The following C10orf90 variants were observed in gnomAD, a reference collection of about 807,000 sequenced individuals.
C10orf90 encodes the protein chromosome 10 open reading frame 90, also known as (E2-independent) E3 ubiquitin-conjugating enzyme FATS.
A neutral mutation model predicts 62.5 loss-of-function variants in C10orf90; 56 were observed. The ratio of observed to expected loss-of-function variants is 0.90; its 90% CI spans 0.72 to 1.12. C10orf90 has a LOEUF of 1.12. Ranked by LOEUF, C10orf90 falls within the 50% of genes most tolerant of loss-of-function variation. The pLI, the probability that C10orf90 is intolerant of heterozygous loss-of-function variation, is 0.00. For missense variants in C10orf90, 970 were observed against 880.4 expected, an observed-to-expected ratio of 1.10 and a Z score of -1.29; for synonymous variants, 386 against 340.4, an observed-to-expected ratio of 1.13 and a Z score of -1.47.
At chr10:126,563,126 G>A (rs532287183) in intron 2 of C10orf90, among the ~76,000 whole-genome samples, 4 of 152,286 alleles carry the variant, frequency 2.6e-5, no homozygotes, top group Admixed American at 6.5e-5. Context: ...TTCCCCACCC[G>A]CACTCCAGCT....
At chr10:126,569,515 C>T (rs1469041454) in intron 2 of C10orf90, among the ~76,000 whole-genome samples, 3 of 152,164 alleles carry the variant, frequency 2.0e-5, no homozygotes, top group Non-Finnish European at 4.4e-5. Context: ...ATAATCATCA[C>T]ATACATCAAA....
At chr10:126,491,627 C>T (rs947134375) in intron 4 of C10orf90, among the ~76,000 whole-genome samples, 5 of 152,226 alleles carry the variant, frequency 3.3e-5, no homozygotes, top group Admixed American at 3.3e-4. Context: ...AAAGATTCCT[C>T]ATCCTTCAAA....
chr10:126,479,210 C>T (rs755481988), intron 4 of C10orf90, among the ~76,000 whole-genome samples: 7 of 152,182 alleles, frequency 4.6e-5, no homozygotes, highest in Admixed American at 1.3e-4. Flanking sequence ...AGGGGCTGTG[C>T]GTTATTCCAA....
chr10:126,622,375 T>C (rs1845662713), intron 2 of C10orf90, among the ~76,000 whole-genome samples: 2 of 152,204 alleles, frequency 1.3e-5, no homozygotes, highest in African/African-American at 4.8e-5. Context: ...CTCTCCCCTG[T>C]GACCCAGAAA....
intron 2 of C10orf90, among the ~76,000 whole-genome samples, chr10:126,541,387 G>A (rs535967400): frequency 4.8e-4 from 73 of 152,000 alleles, no homozygotes; most frequent in African/African-American, 1.7e-3. Flanking sequence ...ACATCAAAGG[G>A]CATCATCAAG....
chr10:126,512,155 C>G (rs1863145168), intron 3 of C10orf90: 1 of 151,870 alleles, frequency 6.6e-6, no homozygotes, highest in South Asian at 2.1e-4. Flanking sequence ...ACCTACTGAC[C>G]AAATTGGATA....
chr10:126,509,061 G>A (rs796928649), intron 3 of C10orf90, among the ~76,000 whole-genome samples: 25 of 152,308 alleles, frequency 1.6e-4, no homozygotes, highest in African/African-American at 6.0e-4. Flanking sequence ...CCCTCCAGAA[G>A]GACCTAGAGG....
chr10:126,537,500 G>A (rs1864268269), intron 2 of C10orf90, among the ~76,000 whole-genome samples: 1 of 152,158 alleles, frequency 6.6e-6, no homozygotes, highest in Non-Finnish European at 1.5e-5. Flanking sequence ...AGAGCTGCCC[G>A]GGGAGTCCTC....
rs1018201144 is a variant in C10orf90, at chr10:126,478,461, G to A, written c.1535-13475C>T. 3.9e-5 allele frequency among the ~76,000 whole-genome samples: 6 copies of A among 152,204 alleles called. No homozygotes were observed. The East Asian group carries it at 7.7e-4, about 20-fold the overall frequency. On this transcript the variant is annotated intron_variant, in intron 4 of 9. Coordinates refer to ENST00000488181, the MANE Select transcript of C10orf90 (RefSeq NM_001350921.2). ...CTAGGATGGCCCATAGCTAAGGCAC[G>A]ACTTTAAACAGGGGATCTGTAAGTG...
intron 7 of C10orf90, among the ~76,000 whole-genome samples, chr10:126,440,924 G>A (rs1858275848): frequency 1.3e-5 from 2 of 152,270 alleles, no homozygotes; most frequent in East Asian, 1.9e-4. Flanking sequence ...CTCTGACAGA[G>A]CCTACCCACA....
At chr10:126,640,111 GC>G (rs1248353809) in intron 2 of C10orf90, among the ~76,000 whole-genome samples, 1 of 152,210 alleles carries the variant, frequency 6.6e-6, no homozygotes, top group African/African-American at 2.4e-5. Flanking sequence ...AGGAGTAAAT[GC>G]GTTTTATTCT....
At chr10:126,623,193 T>C (rs938237034) in intron 2 of C10orf90, among the ~76,000 whole-genome samples, 4 of 152,160 alleles carry the variant, frequency 2.6e-5, no homozygotes, top group Admixed American at 2.6e-4. Context: ...AAATCTTTCT[T>C]GGGCTTTGGA....
intron 3 of C10orf90, among the ~76,000 whole-genome samples, chr10:126,509,489 T>G (rs1424981279): frequency 6.6e-6 from 1 of 152,178 alleles, no homozygotes; most frequent in African/African-American, 2.4e-5. Context: ...TAAATAGAAA[T>G]GACTCATTGT....
At position 126,649,059 on chromosome 10, in the gene C10orf90, T is replaced by C. The variant is rs1258519493; in HGVS notation, c.241-2422A>G. Among the ~76,000 whole-genome samples, 58 of 48,808 alleles carry C rather than the reference T, an allele frequency of 1.2e-3. 1 individual carries two copies. Among genetic ancestry groups the C allele is most frequent in the South Asian group, 3.3e-3 (4 of 1,214 alleles). 32.0% of individuals were successfully genotyped at this position (48,808 alleles called of 152,430 possible). On this transcript the variant is annotated intron_variant, in intron 1 of 9. Transcript: ENST00000488181. ...GTCTCTCTCTCTCTCTCTCTCTCTC[T>C]CTCTCTCTCTCTCCCCCCCCCCCAG...
intron 7 of C10orf90, among the ~76,000 whole-genome samples, chr10:126,437,579 A>T (rs1434240485): frequency 6.6e-6 from 1 of 152,212 alleles, no homozygotes; most frequent in Non-Finnish European, 1.5e-5. Flanking sequence ...TAAAATAAAG[A>T]CTACTCAGTT....
intron 3 of C10orf90, 27 bp downstream of exon 3, chr10:126,513,821 A>C: frequency 6.9e-7 from 1 of 1,444,780 alleles, no homozygotes; most frequent in South Asian, 1.2e-5. Flanking sequence ...TTTGCTGACT[A>C]TTCTAGAAGT....
intron 2 of C10orf90, among the ~76,000 whole-genome samples, chr10:126,556,664 T>C (rs1042902665): frequency 1.2e-4 from 18 of 152,120 alleles, no homozygotes; most frequent in African/African-American, 4.1e-4. Flanking sequence ...AATCACCCTT[T>C]AAGGGACAAG....
At chr10:126,611,905 C>A (rs1845442629) in intron 2 of C10orf90, among the ~76,000 whole-genome samples, 1 of 152,206 alleles carries the variant, frequency 6.6e-6, no homozygotes, top group Non-Finnish European at 1.5e-5. Context: ...TGCTCTAGAC[C>A]TATCCTGTCC....
chr10:126,498,284 C>G (rs1334557203), intron 4 of C10orf90, among the ~76,000 whole-genome samples: 1 of 152,188 alleles, frequency 6.6e-6, no homozygotes, highest in African/African-American at 2.4e-5. Context: ...TTGATCTACC[C>G]TGAACACATA....
Sources: gnomAD v4.1 joint callset for allele counts (sites outside exome capture counted in the v4.1 genomes callset) on GRCh38, gnomAD v4.1.1 for gene constraint, MANE v1.5 for transcripts, NCBI Gene and HGNC (gene_info 2026-07-23, HGNC 2026-07-21) for gene names.